HDAC7: variants seen among roughly 807,000 people sequenced by gnomAD.
HDAC7 encodes histone deacetylase 7A.
A neutral mutation model predicts 115.5 loss-of-function variants in HDAC7; 26 were observed. The ratio of observed to expected loss-of-function variants is 0.23; its 90% CI spans 0.16 to 0.31. HDAC7 has a LOEUF of 0.31. Ranked by LOEUF, HDAC7 falls within the 10% of genes least tolerant of loss-of-function variation. The probability of loss-of-function intolerance (pLI) is 1.00; values close to 1 mark genes in which losing one functional copy is unlikely to be tolerated. For synonymous variants in HDAC7, 564 were observed against 550.9 expected, an observed-to-expected ratio of 1.02 and a Z score of -0.33; for missense variants, 1,068 against 1,329.0, an observed-to-expected ratio of 0.80 and a Z score of 3.05.
At chr12:47,783,944 G>C in intron 25 of HDAC7, 58 bp from the exon 26 acceptor site, 1 of 1,608,830 alleles carries the variant, frequency 6.2e-7, no homozygotes, top group Non-Finnish European at 8.5e-7. Context: ...AAGGGCCTTA[G>C]CTAAGCTTCC....
intron 7 of HDAC7, among the ~76,000 whole-genome samples, 156 bp from the exon 8 acceptor site, chr12:47,796,454 T>G (rs1303938705): frequency 1.4e-5 from 2 of 147,844 alleles, no homozygotes; most frequent in African/African-American, 5.0e-5. Flanking sequence ...GACAGAGTCT[T>G]GCTCTGTTGC....
chr12:47,812,684 C>A (rs1046566827), intron 1 of HDAC7, among the ~76,000 whole-genome samples: 6 of 152,108 alleles, frequency 3.9e-5, no homozygotes, highest in Non-Finnish European at 8.8e-5. Flanking sequence ...ACAGTAGGGT[C>A]TAAGGCGATA....
At chr12:47,791,820 C>CCCCAAAAA in intron 14 of HDAC7, 51 bp downstream of exon 14, 1 of 1,581,774 alleles carries the variant, frequency 6.3e-7, no homozygotes, top group Non-Finnish European at 8.6e-7. Context: ...CCCTCCCCTC[C>CCCCAAAAA]CATGACTCCT....
In HDAC7 at chr12:47,795,812, G is replaced by A; in HGVS notation, c.907-45C>T. 2.0e-6 allele frequency: 3 copies of A among 1,509,170 alleles called. No homozygotes were observed. The highest frequency in any genetic ancestry group is 2.7e-6 in the Non-Finnish European group (3 of 1,124,104). The allele number at this position is 1,509,170 out of a possible 1,614,324, so 93.5% of individuals were successfully genotyped here. The stretch of plus-strand genomic sequence containing the variant: ...AGTCACGGGGAAGAAGATTCCAGCA[G>A]AGAACAATGAAGATGATGGGGTGAG... On this transcript the variant is annotated intron_variant, in intron 9 of 25. Coordinates refer to ENST00000080059, the MANE Select transcript of HDAC7 (RefSeq NM_015401.5). The surrounding 1 kb of genome is among the most constrained non-coding windows in gnomAD (Gnocchi z 4.3).
intron 1 of HDAC7, among the ~76,000 whole-genome samples, chr12:47,818,339 G>C (rs1264420142): frequency 6.6e-6 from 1 of 152,210 alleles, no homozygotes; most frequent in African/African-American, 2.4e-5. Flanking sequence ...AGTCCCAATA[G>C]GTCCAAGACC....
chr12:47,816,851 T>TC (rs1242861356), intron 1 of HDAC7, among the ~76,000 whole-genome samples: 1 of 151,928 alleles, frequency 6.6e-6, no homozygotes, highest in Non-Finnish European at 1.5e-5. Flanking sequence ...GGCGTCCAGC[T>TC]CCCCTCTTTC....
chr12:47,789,613 C>A (rs747050885), intron 17 of HDAC7, 35 bp from the exon 18 acceptor site: 1 of 1,610,698 alleles, frequency 6.2e-7, no homozygotes, highest in Admixed American at 1.7e-5. Context: ...AATCAACAGA[C>A]AGCTCTGACC....
intron 1 of HDAC7, among the ~76,000 whole-genome samples, chr12:47,809,512 G>T (rs1944557874): frequency 6.6e-6 from 1 of 152,080 alleles, no homozygotes; most frequent in South Asian, 2.1e-4. Flanking sequence ...CTGTGTGCTG[G>T]CTATTATCCT....
chr12:47,796,150 G>T, intron 8 of HDAC7, 57 bp downstream of exon 8: 4 of 1,547,042 alleles, frequency 2.6e-6, no homozygotes, highest in Non-Finnish European at 3.5e-6. Flanking sequence ...CCGCCTGCTG[G>T]AAGAAGGCTG....
Position 47,794,882 on chromosome 12 carries a change from C to T in HDAC7, c.1336G>A (p.Glu446Lys). ...CCCCCGCCATCTGTCTCCAGGTCTT[C>T]AGCCGAGGGTATCTGCCGCAGCCGG... ...KPRLRQIPSA[E>K]DLETDGGGPG... Residue 446 changes from glutamate to lysine, a missense_variant, in exon 12 of 26, where the codon GAA becomes AAA. Coordinates refer to ENST00000080059, the MANE Select transcript of HDAC7 (RefSeq NM_015401.5). 8.7e-6 allele frequency: 14 copies of T among 1,613,464 alleles called. No individual in the cohort carries two copies. The highest frequency in any genetic ancestry group is 1.2e-5 in the Non-Finnish European group (14 of 1,179,984).
In HDAC7 at chr12:47,797,151, A is replaced by G. The variant is rs773409365; in HGVS notation, c.578-9T>C. On this transcript the variant is annotated splice_polypyrimidine_tract_variant and intron_variant, in intron 6 of 25. Coordinates refer to ENST00000080059, the MANE Select transcript of HDAC7 (RefSeq NM_015401.5). The surrounding 1 kb of genome is among the most constrained non-coding windows in gnomAD (Gnocchi z 5.5). ...CAGGTTGGGCTCAGAGACTGCAGGG[A>G]GCACCAGCGTCACTCAGGCCCCCAC... The G allele has an allele frequency of 1.3e-6, 2 of 1,583,222 alleles. No individual in the cohort carries two copies. The highest frequency in any genetic ancestry group is 1.7e-6 in the Non-Finnish European group (2 of 1,164,976).
chr12:47,819,994 G>A (rs1279530702), upstream of HDAC7: 1 of 151,418 alleles, frequency 6.6e-6, no homozygotes, highest in Non-Finnish European at 1.5e-5. Context: ...TCTGAGAGCG[G>A]GCCAAGGGGG....
chr12:47,797,114 A>G lies in HDAC7; in HGVS notation c.606T>C (p.Tyr202=), dbSNP rs780408257. The change falls in exon 7 of 26, where the codon TAT becomes TAC. Residue 202 remains tyrosine (Y), a synonymous_variant. Transcript: ENST00000080059. The surrounding 1 kb of genome is among the most constrained non-coding windows in gnomAD (Gnocchi z 5.5). ...TCCGCTCCAGGGACTTCTTGGGCTT[A>G]TAGCGCAGCTTCAGGTTGGGCTCAG... The part of the protein sequence containing the change: ...TVSEPNLKLR[Y]KPKKSLERRK... 3.1e-6 allele frequency: 5 copies of G among 1,605,808 alleles called. No individual in the cohort carries two copies. Among genetic ancestry groups the G allele is most frequent in the Non-Finnish European group, 4.3e-6 (5 of 1,176,386 alleles).
intron 16 of HDAC7, chr12:47,790,836 C>A: frequency 4.1e-6 from 1 of 242,526 alleles, no homozygotes; most frequent in Non-Finnish European, 8.2e-6. Context: ...ACCGGAAGCA[C>A]CACCGTGATG....
intron 21 of HDAC7, among the ~76,000 whole-genome samples, chr12:47,786,991 G>A (rs1026702198): frequency 6.6e-6 from 1 of 152,194 alleles, no homozygotes; most frequent in African/African-American, 2.4e-5. Flanking sequence ...CCATGTGTGT[G>A]TGCATGTGTG....
At position 47,798,986 on chromosome 12, in the gene HDAC7, G is replaced by C; in HGVS notation, c.71-14C>G. 6.8e-7 allele frequency: 1 copy of C among 1,475,836 alleles called. No homozygotes were observed. Among genetic ancestry groups the C allele is most frequent in the Non-Finnish European group, 9.0e-7 (1 of 1,112,396 alleles). 91.4% of individuals were successfully genotyped at this position (1,475,836 alleles called of 1,614,324 possible). ...GCCTGGGGCAGCCTAGGGACAGAGAGAGGGAGCAGGGTAAACTGGAAAGTT... is the reference window on the plus strand; with the variant it reads ...GCCTGGGGCAGCCTAGGGACAGAGACAGGGAGCAGGGTAAACTGGAAAGTT... On this transcript the variant is annotated splice_polypyrimidine_tract_variant and intron_variant, in intron 2 of 25. Coordinates refer to ENST00000080059, the MANE Select transcript of HDAC7 (RefSeq NM_015401.5). The surrounding 1 kb of genome is among the most constrained non-coding windows in gnomAD (Gnocchi z 4.3).
In HDAC7 at chr12:47,793,349, C is replaced by CCCCCAACA; in HGVS notation, c.1678+19_1678+20insTGTTGGGG. On this transcript the variant is annotated intron_variant, in intron 13 of 25. Transcript: ENST00000080059. The surrounding 1 kb of genome is among the most constrained non-coding windows in gnomAD (Gnocchi z 4.5). ...CAGCCGAGCCCCTCCCTCCACCCGC[C>CCCCCAACA]ACCCTCCTCCCGGTCTCACCTGTGG... 2 of 1,467,624 alleles carry CCCCCAACA rather than the reference C, an allele frequency of 1.4e-6. No individual in the cohort carries two copies. Among genetic ancestry groups the CCCCCAACA allele is most frequent in the Non-Finnish European group, 1.8e-6 (2 of 1,092,750 alleles). 90.9% of individuals were successfully genotyped at this position (1,467,624 alleles called of 1,614,324 possible). A position where few individuals can be genotyped will look rare whatever the true frequency, so the allele number is the denominator to read the frequency against.
At position 47,798,023 on chromosome 12, in the gene HDAC7, G is replaced by A; in HGVS notation, c.461+85C>T. 1 of 961,656 alleles carries A rather than the reference G, an allele frequency of 1.0e-6. No individual in the cohort carries two copies. 59.6% of individuals were successfully genotyped at this position (961,656 alleles called of 1,614,324 possible). On this transcript the variant is annotated intron_variant, in intron 5 of 25. Transcript: ENST00000080059. This position sits in a 1 kb window ranked among gnomAD's most constrained non-coding sequence, Gnocchi z 4.3. ...GGTTGTGGCAACTGGGGAGGAAGGAGGCAAGTGTGTGTGCTCATGGCTAAC... is the reference window on the plus strand; with the variant it reads ...GGTTGTGGCAACTGGGGAGGAAGGAAGCAAGTGTGTGTGCTCATGGCTAAC...
rs780526851 is a variant in HDAC7 at position 47,797,008 on chromosome 12, G to A, written c.703+9C>T. The stretch of plus-strand genomic sequence containing the variant: ...GGATGGCAACCGCACTGGCTCAGCC[G>A]GCCCTCACCTCCGAGGGTCTCTGCG... On this transcript the variant is annotated intron_variant, in intron 7 of 25. Coordinates refer to ENST00000080059, the MANE Select transcript of HDAC7 (RefSeq NM_015401.5). The surrounding 1 kb of genome is among the most constrained non-coding windows in gnomAD (Gnocchi z 5.5). 7.2e-6 allele frequency: 11 copies of A among 1,534,858 alleles called. No individual in the cohort carries two copies. Among genetic ancestry groups the A allele is most frequent in the Admixed American group, 2.1e-5 (1 of 47,404 alleles).
Sources: allele counts gnomAD v4.1 joint callset (sites outside exome capture counted in the v4.1 genomes callset), GRCh38; gene constraint gnomAD v4.1.1; non-coding constraint Gnocchi (gnomAD v3.1); transcripts MANE v1.5; gene names NCBI Gene and HGNC (gene_info 2026-07-23, HGNC 2026-07-21).